PPARD: variants seen among roughly 807,000 people sequenced by gnomAD.
The protein encoded by PPARD is peroxisome proliferator-activated receptor delta.
A neutral mutation model predicts 39.5 loss-of-function variants in PPARD; 6 were observed. The observed-to-expected ratio is 0.15, with a 90% confidence interval of 0.08 to 0.30. The LOEUF is 0.30. Ranked by LOEUF, PPARD falls within the 10% of genes least tolerant of loss-of-function variation. PPARD has a pLI of 1.00. For synonymous variants in PPARD, 210 were observed against 231.3 expected, an observed-to-expected ratio of 0.91 and a Z score of 0.83; for missense variants, 397 against 596.8, an observed-to-expected ratio of 0.67 and a Z score of 3.49.
chr6:35,424,571 C>A lies in PPARD; in HGVS notation c.870C>A (p.Ile290=). Residue 290 remains isoleucine (I), a synonymous_variant, in exon 7 of 8, where the codon ATC becomes ATA. Transcript: ENST00000360694. The surrounding 1 kb of genome is among the most constrained non-coding windows in gnomAD (Gnocchi z 7.1). ...TLLKYGVHEA[I]FAMLASIVNK... ...TCAAGTATGGCGTGCACGAGGCCAT[C>A]TTCGCCATGCTGGCCTCTATCGTCA... is the stretch of plus-strand genomic sequence containing the variant. 1 of 1,614,252 alleles carries A rather than the reference C, an allele frequency of 6.2e-7. No individual in the cohort carries two copies. The highest frequency in any genetic ancestry group is 1.1e-5 in the South Asian group (1 of 91,088).
At chr6:35,374,432 C>T (rs1469639138) in intron 2 of PPARD, among the ~76,000 whole-genome samples, 1 of 151,506 alleles carries the variant, frequency 6.6e-6, no homozygotes, top group Admixed American at 6.6e-5. Context: ...CCGAGGCGGG[C>T]GGATCACAAG....
chr6:35,358,272 G>C (rs564670703), intron 2 of PPARD, among the ~76,000 whole-genome samples: 2 of 152,172 alleles, frequency 1.3e-5, no homozygotes, highest in Non-Finnish European at 2.9e-5. Flanking sequence ...TGCAACGAAC[G>C]TAGCTTTGGA....
At chr6:35,368,390 G>A (rs550391786) in intron 2 of PPARD, among the ~76,000 whole-genome samples, 10 of 152,278 alleles carry the variant, frequency 6.6e-5, no homozygotes, top group South Asian at 4.1e-4. Context: ...GCCCTATTTT[G>A]AGTTATCCCA....
intron 2 of PPARD, among the ~76,000 whole-genome samples, chr6:35,384,907 A>G (rs1162341526): frequency 8.2e-6 from 1 of 122,472 alleles, no homozygotes; most frequent in Non-Finnish European, 1.7e-5. Flanking sequence ...GGCCGCCCCT[A>G]CTGGGAAGTG....
intron 2 of PPARD, among the ~76,000 whole-genome samples, chr6:35,384,524 G>A (rs1763449501): frequency 8.1e-6 from 1 of 123,256 alleles, no homozygotes; most frequent in Non-Finnish European, 1.7e-5. Context: ...GCCCCGTCCG[G>A]GAGGTGAGGG....
Position 35,411,252 on chromosome 6 carries a change from G to A in PPARD, c.130+35G>A, listed in dbSNP as rs200790838. 19 of 1,468,860 alleles carry A rather than the reference G, an allele frequency of 1.3e-5. No homozygotes were observed. The African/African-American group carries it at 2.4e-4, about 19-fold the overall frequency. The allele number at this position is 1,468,860 out of a possible 1,614,324, so 91.0% of individuals were successfully genotyped here. ...GGACTGGCAGGGGACACGGGGCAGA[G>A]GAGGCACAGCCCAGTGCAGTGGGGA... On this transcript the variant is annotated intron_variant, in intron 3 of 7. Transcript: ENST00000360694.
intron 2 of PPARD, among the ~76,000 whole-genome samples, chr6:35,408,790 C>T (rs757582023): frequency 1.4e-4 from 21 of 152,196 alleles, no homozygotes; most frequent in Non-Finnish European, 2.4e-4. Flanking sequence ...GAAAAAAGTT[C>T]GGTGTTACAG....
intron 2 of PPARD, among the ~76,000 whole-genome samples, chr6:35,355,642 C>T (rs377354222): frequency 4.3e-4 from 38 of 89,136 alleles, no homozygotes; most frequent in Middle Eastern, 0.015. Context: ...GACGGAGTCT[C>T]GCTTTGTTGC....
chr6:35,372,607 C>T (rs1762566467), intron 2 of PPARD, among the ~76,000 whole-genome samples: 1 of 152,228 alleles, frequency 6.6e-6, no homozygotes, highest in South Asian at 2.1e-4. Flanking sequence ...TGTCATTCTG[C>T]CACAGTTGTC....
Position 35,383,926 on chromosome 6 carries a change from C to T in PPARD, c.-101-27061C>T, listed in dbSNP as rs1416553098. On this transcript the variant is annotated intron_variant, in intron 2 of 7. Coordinates refer to ENST00000360694, the MANE Select transcript of PPARD (RefSeq NM_006238.5). ...GTCTCCGCCCGGCAGCCACCCCGTC[C>T]GGGAGGGAGGTGGGGGGGGTCAGCC... is the stretch of plus-strand genomic sequence containing the variant. Among the ~76,000 whole-genome samples, 4 of 134,522 alleles carry T rather than the reference C, an allele frequency of 3.0e-5. No individual in the cohort carries two copies. In the East Asian group the frequency reaches 6.3e-4, roughly 21 times the overall value. 88.3% of individuals were successfully genotyped at this position (134,522 alleles called of 152,430 possible). A position where few individuals can be genotyped will look rare whatever the true frequency, so the allele number is the denominator to read the frequency against.
In PPARD at chr6:35,366,271, A is replaced by C. The variant is rs1762205333; in HGVS notation, c.-102+19121A>C. On this transcript the variant is annotated intron_variant, in intron 2 of 7. Transcript: ENST00000360694. The surrounding 1 kb of genome is among the most constrained non-coding windows in gnomAD (Gnocchi z 4.6). ...TTTTAGAAGGCTGACTCTAATAGCA[A>C]GTTGCAGTAAGGATAGGATTGGCCA... Among the ~76,000 whole-genome samples, 2 of 151,724 alleles carry C rather than the reference A, an allele frequency of 1.3e-5. No homozygotes were observed. Among genetic ancestry groups the C allele is most frequent in the Non-Finnish European group, 2.9e-5 (2 of 68,034 alleles).
intron 5 of PPARD, among the ~76,000 whole-genome samples, chr6:35,422,579 G>A (rs533205975): frequency 1.3e-5 from 2 of 151,396 alleles, no homozygotes; most frequent in African/African-American, 4.8e-5. Flanking sequence ...TAGAGGACAG[G>A]GGAGAGCCTC....
At chr6:35,389,553 T>C (rs1763891846) in intron 2 of PPARD, among the ~76,000 whole-genome samples, 1 of 152,124 alleles carries the variant, frequency 6.6e-6, no homozygotes, top group Non-Finnish European at 1.5e-5. Context: ...CCCCAGGTGA[T>C]CCGCCCGCCT....
At chr6:35,375,206 C>T (rs1258922282) in intron 2 of PPARD, among the ~76,000 whole-genome samples, 5 of 141,962 alleles carry the variant, frequency 3.5e-5, no homozygotes, top group African/African-American at 5.2e-5. Flanking sequence ...TTTCTCCTTC[C>T]GAGTTTTTTT....
intron 2 of PPARD, among the ~76,000 whole-genome samples, chr6:35,394,264 T>C (rs1291137915): frequency 6.6e-6 from 1 of 152,244 alleles, no homozygotes; most frequent in East Asian, 1.9e-4. Flanking sequence ...TTCGGCTGTA[T>C]GTCACGGCCA....
intron 2 of PPARD, among the ~76,000 whole-genome samples, chr6:35,373,938 T>A (rs1183669439): frequency 6.6e-6 from 1 of 152,130 alleles, no homozygotes; most frequent in African/African-American, 2.4e-5. Context: ...ACCAAAGTAC[T>A]GGGATTGCAG....
chr6:35,399,401 A>C (rs1317483333), intron 2 of PPARD, among the ~76,000 whole-genome samples: 1 of 4,010 alleles, frequency 2.5e-4, no homozygotes. Context: ...CTCTGTCTCA[A>C]AAAAAAAAAA....
intron 2 of PPARD, among the ~76,000 whole-genome samples, chr6:35,394,060 C>T (rs1764170528): frequency 6.6e-6 from 1 of 152,218 alleles, no homozygotes; most frequent in Non-Finnish European, 1.5e-5. Flanking sequence ...GTTTTAAAAA[C>T]AATTTAAACT....
intron 2 of PPARD, chr6:35,348,767 A>C: frequency 1.0e-6 from 1 of 985,352 alleles, no homozygotes; most frequent in Non-Finnish European, 1.2e-6. Flanking sequence ...ACCCATACCA[A>C]GTGCTTTCCT....
Sources: gnomAD v4.1 joint callset for allele counts (sites outside exome capture counted in the v4.1 genomes callset) on GRCh38, gnomAD v4.1.1 for gene constraint, Gnocchi (gnomAD v3.1) non-coding constraint, MANE v1.5 for transcripts, NCBI Gene and HGNC (gene_info 2026-07-23, HGNC 2026-07-21) for gene names.